Variants in PLSCR2 observed in about 807,000 individuals in gnomAD.
PLSCR2 encodes the protein phospholipid scramblase 2.
A neutral mutation model predicts 25.3 loss-of-function variants in PLSCR2; 18 were observed. That is an observed-to-expected ratio of 0.71 (90% CI 0.49 to 1.06). PLSCR2 has a LOEUF of 1.06. PLSCR2 is among the 50% of genes least tolerant of loss of function. The pLI is 0.00. For synonymous variants in PLSCR2, 88 were observed against 87.3 expected (o/e 1.01, Z -0.04); for missense variants, 243 against 269.5 (o/e 0.90, Z 0.69).
At chr3:146,441,238 A>AT (rs1243570286), downstream of PLSCR2, among the ~76,000 whole-genome samples, 1 of 152,184 alleles carries the variant, frequency 6.6e-6, no homozygotes, top group African/African-American at 2.4e-5. Context: ...AAACAAAAAA[A>AT]AATCACATTT....
chr3:146,393,682 G>T (rs747358167), intron 3 of PLSCR2, among the ~76,000 whole-genome samples: 1 of 151,384 alleles, frequency 6.6e-6, no homozygotes, highest in African/African-American at 2.4e-5. Flanking sequence ...GGTGGCATGC[G>T]CTTGTAGTCC....
chr3:146,449,096 TA>T (rs1165909804), intron 6 of PLSCR2, 109 bp downstream of exon 6: 2 of 833,988 alleles, frequency 2.4e-6, no homozygotes, highest in South Asian at 1.8e-5. Context: ...GAACATTTTA[TA>T]AAACCTTTAC....
At chr3:146,414,174 T>C (rs2091064) in intron 2 of PLSCR2, among the ~76,000 whole-genome samples, 90,618 of 152,022 alleles carry the variant, frequency 0.6, 27,226 homozygotes, top group South Asian at 0.76. Context: ...GAGATAAAGG[T>C]GTTAATTCAT....
intron 8 of PLSCR2, among the ~76,000 whole-genome samples, chr3:146,434,623 T>C (rs988533095): frequency 3.3e-5 from 5 of 152,000 alleles, no homozygotes; most frequent in African/African-American, 9.7e-5. Flanking sequence ...AAGAGAAAAT[T>C]CAATCCCTAA....
At chr3:146,397,017 C>G (rs578001121) in intron 2 of PLSCR2, among the ~76,000 whole-genome samples, 31 of 152,222 alleles carry the variant, frequency 2.0e-4, no homozygotes, top group African/African-American at 7.0e-4. Flanking sequence ...GATGAATGGG[C>G]CATCTCTATA....
intron 1 of PLSCR2, among the ~76,000 whole-genome samples, chr3:146,478,736 A>G (rs956756735): frequency 6.6e-6 from 1 of 152,220 alleles, no homozygotes; most frequent in African/African-American, 2.4e-5. Flanking sequence ...TTCAGGAAAC[A>G]TAGAGAACAC....
At position 146,469,159 on chromosome 3, in the gene PLSCR2, T is replaced by C. The variant is rs142972168; in HGVS notation, c.-292-8875A>G. 805 of 984,612 alleles carry C rather than the reference T, an allele frequency of 8.2e-4. 1 individual carries two copies. Among genetic ancestry groups the C allele is most frequent in the Middle Eastern group, 7.3e-3 (14 of 1,912 alleles). The allele number at this position is 984,612 out of a possible 1,614,324, so 61.0% of individuals were successfully genotyped here. ...ACCGTCCCTTCTAATAGCCCCACTA[T>C]GCTGGCACATGCTCCTGAGCCCAGA... On this transcript the variant is annotated intron_variant, in intron 1 of 8. Coordinates refer to the PLSCR2 transcript ENST00000336685.
intron 2 of PLSCR2, among the ~76,000 whole-genome samples, chr3:146,418,864 G>A (rs891226384): frequency 5.3e-5 from 8 of 152,020 alleles, no homozygotes; most frequent in Admixed American, 3.9e-4. Flanking sequence ...TTTCTGCTTA[G>A]AACCAAAAAT....
chr3:146,481,756 G>T (rs1303556818), intron 1 of PLSCR2, among the ~76,000 whole-genome samples: 1 of 152,170 alleles, frequency 6.6e-6, no homozygotes, highest in Non-Finnish European at 1.5e-5. Context: ...AACCAAAAAA[G>T]AGACTGCATT....
chr3:146,411,757 A>AG (rs747774363), intron 2 of PLSCR2, among the ~76,000 whole-genome samples: 7 of 151,988 alleles, frequency 4.6e-5, no homozygotes, highest in Middle Eastern at 3.2e-3. Flanking sequence ...TAGAAAGGGG[A>AG]GGGGGTCTAG....
At position 146,403,740 on chromosome 3, in the gene PLSCR2, C is replaced by T. The variant is rs78402011; in HGVS notation, c.101-7819G>A. ...ACATTGAATAATTTATTTAAAAACC[C>T]GATTTATTTCTCACAGTTCTAGAGG... On this transcript the variant is annotated intron_variant and NMD_transcript_variant, in intron 2 of 3. Coordinates refer to the PLSCR2 transcript ENST00000463633. 3.9e-3 allele frequency among the ~76,000 whole-genome samples: 591 copies of T among 152,064 alleles called. 1 individual carries two copies. Among genetic ancestry groups the T allele is most frequent in the Middle Eastern group, 0.02 (6 of 294 alleles).
At chr3:146,443,497 T>C (rs747383981) in intron 6 of PLSCR2, among the ~76,000 whole-genome samples, 47 of 152,148 alleles carry the variant, frequency 3.1e-4, no homozygotes, top group Middle Eastern at 6.8e-3. Flanking sequence ...GTAGACAATA[T>C]GTGTCTAGAA....
chr3:146,494,953 G>A (rs1015034640), intron 1 of PLSCR2: 1 of 152,094 alleles, frequency 6.6e-6, no homozygotes, highest in Non-Finnish European at 1.5e-5. Flanking sequence ...CAGTTTTATG[G>A]ATCAAAATAT....
At chr3:146,469,872 A>G (rs1246389926) in intron 1 of PLSCR2, among the ~76,000 whole-genome samples, 1 of 146,574 alleles carries the variant, frequency 6.8e-6, no homozygotes, top group Non-Finnish European at 1.5e-5. Flanking sequence ...CTTTGGAGAG[A>G]CTCCGGAAAC....
intron 1 of PLSCR2, among the ~76,000 whole-genome samples, chr3:146,487,344 G>A (rs1057191001): frequency 1.3e-5 from 2 of 151,934 alleles, no homozygotes; most frequent in African/African-American, 2.4e-5. Context: ...AGAAATAAAG[G>A]GTATTCAAAT....
At chr3:146,489,914 A>G (rs2043483425) in intron 1 of PLSCR2, among the ~76,000 whole-genome samples, 1 of 151,924 alleles carries the variant, frequency 6.6e-6, no homozygotes, top group South Asian at 2.1e-4. Flanking sequence ...TCTCTACTAT[A>G]TTTCTCCCAC....
chr3:146,435,878 T>G (rs1477690089), intron 8 of PLSCR2, among the ~76,000 whole-genome samples: 1 of 152,118 alleles, frequency 6.6e-6, no homozygotes, highest in Non-Finnish European at 1.5e-5. Context: ...ATTGCCTAGG[T>G]TTTCTCCTAG....
intron 2 of PLSCR2, among the ~76,000 whole-genome samples, chr3:146,399,750 T>C (rs2038396525): frequency 6.7e-6 from 1 of 148,450 alleles, no homozygotes; most frequent in African/African-American, 2.5e-5. Context: ...TTTTCTTTCT[T>C]CCTTGCTTGC....
upstream of PLSCR2, chr3:146,463,926 C>T (rs994438495): frequency 1.0e-6 from 1 of 975,598 alleles, no homozygotes; most frequent in Non-Finnish European, 1.2e-6. Flanking sequence ...CAATTATAGT[C>T]ACCTCTTAGT....
Sources: allele counts gnomAD v4.1 joint callset (sites outside exome capture counted in the v4.1 genomes callset), GRCh38; gene constraint gnomAD v4.1.1; transcripts MANE v1.5; gene names NCBI Gene and HGNC (gene_info 2026-07-23, HGNC 2026-07-21).